ZNF185: variants seen among roughly 807,000 people sequenced by gnomAD.
The protein encoded by ZNF185 is zinc finger protein 185.
Under a neutral mutation model 58.6 loss-of-function variants are expected in ZNF185, and 56 were observed. The ratio of observed to expected loss-of-function variants is 0.95; its 90% CI spans 0.77 to 1.19. The LOEUF (loss-of-function observed/expected upper bound fraction) is 1.19, where lower values mean the gene tolerates loss of function less well. Among genes scored for constraint, ZNF185 ranks in the 50% most tolerant of loss-of-function variants. ZNF185 has a pLI of 0.00. For missense variants in ZNF185, 627 were observed against 573.5 expected (o/e 1.09, Z -0.95); for synonymous variants, 230 against 215.9 (o/e 1.07, Z -0.57).
chrX:152,958,869 C>T, intron 16 of ZNF185, among the ~76,000 whole-genome samples: 1 of 112,494 alleles, frequency 8.9e-6, no homozygotes. Flanking sequence ...CGGGTGCACG[C>T]ACGCGCGCTG....
intron 16 of ZNF185, among the ~76,000 whole-genome samples, chrX:152,947,309 G>A (rs905613319): frequency 9.0e-6 from 1 of 111,307 alleles, no homozygotes; most frequent in Admixed American, 9.5e-5. Flanking sequence ...TTTGAGCCTT[G>A]CACGTCGAGG....
rs1556908443 is a variant in ZNF185, at chrX:152,959,737, A to G, written c.1448A>G (p.Lys483Arg). 4 of 1,210,052 alleles carry G rather than the reference A, an allele frequency of 3.3e-6. No homozygotes were observed. The Admixed American group carries it at 6.5e-5, about 20-fold the overall frequency. Residue 483 changes from lysine to arginine, a missense_variant, in exon 17 of 23, where the codon AAG (lysine) becomes AGG (arginine). Coordinates refer to ENST00000449285, the Ensembl canonical transcript of ZNF185. Reference sequence around the variant, plus strand: ...TTTGAGGGGAAGGATGTGGCCACCAAGGTCGGAGAGGCCTGGCAGGACAGG... The same window carrying G: ...TTTGAGGGGAAGGATGTGGCCACCAGGGTCGGAGAGGCCTGGCAGGACAGG...
chrX:152,942,687 C>T (rs1157827981), intron 15 of ZNF185, among the ~76,000 whole-genome samples: 1 of 111,946 alleles, frequency 8.9e-6, no homozygotes, highest in Non-Finnish European at 1.9e-5. Context: ...TGCTGTTTTC[C>T]TCATTATGTT....
At chrX:152,924,940 C>G (rs1940565125) in intron 11 of ZNF185, among the ~76,000 whole-genome samples, 1 of 111,687 alleles carries the variant, frequency 9.0e-6, no homozygotes, top group African/African-American at 3.3e-5. Context: ...CCTCAGGCTC[C>G]CAAAGTGCTG....
At chrX:152,941,466 G>A (rs1245591939) in intron 15 of ZNF185, among the ~76,000 whole-genome samples, 1 of 112,774 alleles carries the variant, frequency 8.9e-6, no homozygotes. Context: ...CAGCAGGGAC[G>A]GAAAAGAAAA....
intron 12 of ZNF185, among the ~76,000 whole-genome samples, chrX:152,929,443 T>C (rs782804691): frequency 1.5e-4 from 16 of 110,078 alleles, no homozygotes; most frequent in South Asian, 3.9e-4. Context: ...ATCCCTGGGG[T>C]GGCAGGAACT....
chrX:152,952,531 A>G (rs188631863), intron 16 of ZNF185, among the ~76,000 whole-genome samples: 3 of 112,180 alleles, frequency 2.7e-5, no homozygotes, highest in Non-Finnish European at 3.8e-5. Flanking sequence ...ATAGAGATCT[A>G]ATGGCGAGCC....
rs150803281 is a variant in ZNF185, at chrX:152,969,865, C to T, written c.1974+381C>T. Among the ~76,000 whole-genome samples the T allele has an allele frequency of 5.2e-3, 584 of 112,416 alleles. 6 individuals are homozygous for T. Among genetic ancestry groups the T allele is most frequent in the African/African-American group, 0.017 (528 of 30,942 alleles). On this transcript the variant is annotated intron_variant, in intron 21 of 22. Coordinates refer to ENST00000449285, the Ensembl canonical transcript of ZNF185. ...GTGGGCTAGATCATGTAGGCCTTGG[C>T]GGGCACAGAGTTTGGATTTTATTCT...
intron 16 of ZNF185, among the ~76,000 whole-genome samples, chrX:152,956,955 C>T (rs1205888216): frequency 8.9e-6 from 1 of 112,034 alleles, no homozygotes; most frequent in African/African-American, 3.2e-5. Flanking sequence ...TGTTGAAGAG[C>T]AGATTAGTGC....
chrX:152,952,237 T>A (rs954875881), intron 16 of ZNF185, among the ~76,000 whole-genome samples: 7 of 112,358 alleles, frequency 6.2e-5, no homozygotes, highest in Admixed American at 5.7e-4. Context: ...TAAACTAGTT[T>A]TGTTTGCCAA....
At chrX:152,933,135 G>A (rs782552701) in intron 14 of ZNF185, among the ~76,000 whole-genome samples, 164 bp downstream of exon 15, 34 of 112,145 alleles carry the variant, frequency 3.0e-4, no homozygotes, top group Non-Finnish European at 5.5e-4. Flanking sequence ...CTGTGTCCTT[G>A]GGCTTTCCAC....
At chrX:152,941,629 C>G in intron 15 of ZNF185, 9 of 1,143,421 alleles carry the variant, frequency 7.9e-6, no homozygotes, top group African/African-American at 1.8e-5. Context: ...AGTGAGTACG[C>G]CTGCGTAGGC....
rs897837861 is a variant in ZNF185 at position 152,950,139 on chromosome X, G to A, written c.1409+4675G>A. Among the ~76,000 whole-genome samples, 4 of 112,271 alleles carry A rather than the reference G, an allele frequency of 3.6e-5. No individual in the cohort carries two copies. In the East Asian group the frequency reaches 8.3e-4, roughly 23 times the overall value. On this transcript the variant is annotated intron_variant, in intron 16 of 22. Coordinates refer to ENST00000449285, the Ensembl canonical transcript of ZNF185. Reference sequence around the variant, plus strand: ...GATTCCTTAGTCATTTGAAAGAAGCGGTAGAATTCCACATGTGGGGAATAC... The same window carrying A: ...GATTCCTTAGTCATTTGAAAGAAGCAGTAGAATTCCACATGTGGGGAATAC...
chrX:152,917,797 G>A lies in ZNF185; in HGVS notation c.342-268G>A, dbSNP rs948919496. The A allele has an allele frequency of 3.8e-5, 40 of 1,050,483 alleles. No homozygotes were observed. The African/African-American group carries it at 5.1e-4, about 13-fold the overall frequency. 86.6% of individuals were successfully genotyped at this position (1,050,483 alleles called of 1,213,427 possible). On this transcript the variant is annotated intron_variant, in intron 5 of 22. Coordinates refer to ENST00000449285, the Ensembl canonical transcript of ZNF185. ...GGCATCAGGCATTGCCTGGGACTCC[G>A]TCAGACTGGAAAGGCCAAGGGGACC...
chrX:152,903,325 G>C, the ZNF185 span, among the ~76,000 whole-genome samples: 2 of 97,813 alleles, frequency 2.0e-5, no homozygotes, highest in Non-Finnish European at 4.0e-5. Context: ...GGAGGTGGAG[G>C]TTGCAGTGAG....
Position 152,949,979 on chromosome X carries a change from A to G in ZNF185, c.1409+4515A>G, listed in dbSNP as rs1294992998. On this transcript the variant is annotated intron_variant, in intron 16 of 22. Coordinates refer to ENST00000449285, the Ensembl canonical transcript of ZNF185. The stretch of plus-strand genomic sequence containing the variant: ...TAGGCCATGGGAGATTGAGTTTTTC[A>G]TCAGTTGGCAAGTTTTCACTTTAAT... Among the ~76,000 whole-genome samples the G allele has an allele frequency of 1.1e-4, 12 of 111,375 alleles. No individual in the cohort carries two copies. In the Admixed American group the frequency reaches 1.1e-3, roughly 11 times the overall value.
chrX:152,915,079 A>C, intron 2 of ZNF185, 59 bp from the exon 4 acceptor site: 2 of 1,159,257 alleles, frequency 1.7e-6, no homozygotes, highest in Non-Finnish European at 2.3e-6. Flanking sequence ...TGGAGGCCAC[A>C]GGATGGCAGG....
chrX:152,943,990 C>T (rs2047525950), intron 15 of ZNF185, among the ~76,000 whole-genome samples: 1 of 113,133 alleles, frequency 8.8e-6, no homozygotes, highest in Non-Finnish European at 1.9e-5. Flanking sequence ...TTTGGATCTG[C>T]ATGGGCTGCA....
chrX:152,922,660 C>T, intron 10 of ZNF185, 60 bp from the exon 12 acceptor site: 1 of 1,052,423 alleles, frequency 9.5e-7, no homozygotes, highest in South Asian at 2.1e-5. Flanking sequence ...CCACATTCAG[C>T]ATGCCCAGGG....
Sources: allele counts gnomAD v4.1 joint callset (sites outside exome capture counted in the v4.1 genomes callset), GRCh38; gene constraint gnomAD v4.1.1; transcripts MANE v1.5; gene names NCBI Gene and HGNC (gene_info 2026-07-23, HGNC 2026-07-21).